SPRY4: variants seen among roughly 807,000 people sequenced by gnomAD.
SPRY4 encodes the protein protein sprouty homolog 4.
A neutral mutation model predicts 17.0 loss-of-function variants in SPRY4; 7 were observed. That is an observed-to-expected ratio of 0.41 (90% CI 0.23 to 0.77). The LOEUF (loss-of-function observed/expected upper bound fraction) is 0.77, where lower values mean the gene tolerates loss of function less well. Ranked by LOEUF, SPRY4 falls within the 30% of genes least tolerant of loss-of-function variation. SPRY4 has a pLI of 0.32. For missense variants in SPRY4, 435 were observed against 419.9 expected, an observed-to-expected ratio of 1.04 and a Z score of -0.31; for synonymous variants, 183 against 174.1, an observed-to-expected ratio of 1.05 and a Z score of -0.40.
rs560148371 is a variant in SPRY4 at position 142,322,472 on chromosome 5, GA to G, written c.-48+2371del. Among the ~76,000 whole-genome samples, 1,220 of 135,306 alleles carry G rather than the reference GA, an allele frequency of 9.0e-3. 10 individuals are homozygous for G. Among genetic ancestry groups the G allele is most frequent in the Middle Eastern group, 0.027 (7 of 262 alleles). 88.8% of individuals were successfully genotyped at this position (135,306 alleles called of 152,430 possible). A position where few individuals can be genotyped will look rare whatever the true frequency, so the allele number is the denominator to read the frequency against. On this transcript the variant is annotated intron_variant, in intron 1 of 1. Coordinates refer to ENST00000434127, the MANE Select transcript of SPRY4 (RefSeq NM_001127496.3). ...GGTCACAGAGCAAGACTCGTCTCAAGAAAAAAAAAAAATATATATATATATA... is the reference window on the plus strand; with the variant it reads ...GGTCACAGAGCAAGACTCGTCTCAAGAAAAAAAAAAATATATATATATATA...
At chr5:142,324,512 G>A (rs1005423185) in intron 1 of SPRY4, 10 of 152,354 alleles carry the variant, frequency 6.6e-5, no homozygotes, top group African/African-American at 2.4e-4. Flanking sequence ...GGCGGATGGT[G>A]GCAGGAGAAG....
rs1759482759 is a variant in SPRY4 at position 142,324,959 on chromosome 5, C to T, written c.-163G>A. On this transcript the variant is annotated 5_prime_UTR_variant, in exon 1 of 2. Transcript: ENST00000434127. ...CGGTCGGAGGAACCGGCAAGGCTCC[C>T]TGCGCTCCACAGCGCCAGCTCCGCG... The T allele has an allele frequency of 6.5e-6, 1 of 152,728 alleles. No individual in the cohort carries two copies. The highest frequency in any genetic ancestry group is 2.1e-4 in the South Asian group (1 of 4,838). The allele number at this position is 152,728 out of a possible 1,614,324, so 9.5% of individuals were successfully genotyped here. A position where few individuals can be genotyped will look rare whatever the true frequency, so the allele number is the denominator to read the frequency against.
intron 1 of SPRY4, among the ~76,000 whole-genome samples, chr5:142,321,628 G>A (rs1323041226): frequency 6.6e-6 from 1 of 152,170 alleles, no homozygotes; most frequent in African/African-American, 2.4e-5. Context: ...AGAGGCCTGG[G>A]CGAGAATCCT....
At chr5:142,318,808 C>A (rs531574782) in intron 1 of SPRY4, among the ~76,000 whole-genome samples, 31 of 151,928 alleles carry the variant, frequency 2.0e-4, no homozygotes, top group African/African-American at 7.0e-4. Flanking sequence ...CTCTTACGAA[C>A]TGGCAAGAGG....
In SPRY4 at chr5:142,314,995, TAG is replaced by T; in HGVS notation, c.112_113del (p.Leu38ThrfsTer3). ...GGCTGGTCTTCACCTGGTCAATGGG[TAG>T]GATGGTGAGTGGGTGCTGGAGCCGG... ...HSRLQHPLTI[L>X]PIDQVKTSHV... On this transcript the variant is annotated frameshift_variant, in exon 2 of 2. Transcript: ENST00000434127. LOFTEE classifies it high-confidence loss of function. The surrounding 1 kb of genome is among the most constrained non-coding windows in gnomAD (Gnocchi z 4.8). 6.2e-7 allele frequency: 1 copy of T among 1,613,672 alleles called. No individual in the cohort carries two copies. Among genetic ancestry groups the T allele is most frequent in the Non-Finnish European group, 8.5e-7 (1 of 1,179,938 alleles).
At position 142,312,583 on chromosome 5, in the gene SPRY4, G is replaced by A. The variant is rs11551499; in HGVS notation, c.*1626C>T. On this transcript the variant is annotated 3_prime_UTR_variant, in exon 2 of 2. Coordinates refer to ENST00000434127, the MANE Select transcript of SPRY4 (RefSeq NM_001127496.3). Reference sequence around the variant, plus strand: ...ATACAGAACAAACTGGAAATGCTACGGACGCTCTGCCTCATGCACTTCCAG... The same window carrying A: ...ATACAGAACAAACTGGAAATGCTACAGACGCTCTGCCTCATGCACTTCCAG... The A allele has an allele frequency of 0.021, 3,186 of 152,178 alleles. 111 individuals carry two copies. Among genetic ancestry groups the A allele is most frequent in the African/African-American group, 0.07 (2,907 of 41,514 alleles). 9.4% of individuals were successfully genotyped at this position (152,178 alleles called of 1,614,324 possible). A position where few individuals can be genotyped will look rare whatever the true frequency, so the allele number is the denominator to read the frequency against.
At chr5:142,320,519 A>AAT (rs1373005507) in intron 1 of SPRY4, among the ~76,000 whole-genome samples, 1 of 152,056 alleles carries the variant, frequency 6.6e-6, no homozygotes, top group African/African-American at 2.4e-5. Flanking sequence ...GAAGGGTGGG[A>AAT]ATCTTGCTGG....
chr5:142,313,966 A>C lies in SPRY4; in HGVS notation c.*243T>G. ...CCCCCAAACCACACCCTGCCCCTGC[A>C]TTGTCTGTTTGACACAAAGTTTCAG... is the stretch of plus-strand genomic sequence containing the variant. On this transcript the variant is annotated 3_prime_UTR_variant, in exon 2 of 2. Coordinates refer to ENST00000434127, the MANE Select transcript of SPRY4 (RefSeq NM_001127496.3). The C allele has an allele frequency of 1.8e-6, 1 of 542,112 alleles. No homozygotes were observed. Among genetic ancestry groups the C allele is most frequent in the South Asian group, 2.8e-5 (1 of 35,790 alleles). 33.6% of individuals were successfully genotyped at this position (542,112 alleles called of 1,614,324 possible). A position where few individuals can be genotyped will look rare whatever the true frequency, so the allele number is the denominator to read the frequency against.
At chr5:142,318,171 AAAAAAAAGAAAG>A (rs1759223154) in intron 1 of SPRY4, 2 of 985,226 alleles carry the variant, frequency 2.0e-6, no homozygotes, top group South Asian at 4.7e-5. Context: ...ATGTCTCAAA[AAAAAAAAGAAAG>A]AAAAAAAGAA....
Position 142,314,480 on chromosome 5 carries a change from C to A in SPRY4, c.629G>T (p.Cys210Phe), listed in dbSNP as rs778859460. ...GGAGCCCTCATCGTCCTCATTCGTG[C>A]AGTGGTAGAAGATGCCCTGCACCAA... ...MCLVQGIFYH[C>F]TNEDDEGSCA... The change falls in exon 2 of 2, where the codon TGC becomes TTC. Residue 210 changes from cysteine to phenylalanine, a missense_variant. Transcript: ENST00000434127. The surrounding 1 kb of genome is among the most constrained non-coding windows in gnomAD (Gnocchi z 4.8). 2 of 1,614,196 alleles carry A rather than the reference C, an allele frequency of 1.2e-6. No individual in the cohort carries two copies. Among genetic ancestry groups the A allele is most frequent in the Admixed American group, 3.3e-5 (2 of 60,022 alleles).
chr5:142,317,584 GA>G (rs1759198358), intron 1 of SPRY4: 4 of 984,342 alleles, frequency 4.1e-6, no homozygotes, highest in Non-Finnish European at 3.6e-6. Flanking sequence ...TGCTGTGGAA[GA>G]AAGTAAAAGA....
At position 142,314,650 on chromosome 5, in the gene SPRY4, G is replaced by A. The variant is rs137880229; in HGVS notation, c.459C>T (p.Asp153=). 35 of 1,614,222 alleles carry A rather than the reference G, an allele frequency of 2.2e-5. No homozygotes were observed. The African/African-American group carries it at 3.9e-4, about 18-fold the overall frequency. The part of the protein sequence containing the change: ...LKGPAVPPEL[D]KHFLLCEACG... ...AGGCCTCGCACAGCAAGAAGTGCTT[G>A]TCCAGCTCGGGTGGGACCGCCGGGC... Residue 153 remains aspartate (D), a synonymous_variant, in exon 2 of 2, where the codon GAC becomes GAT. Transcript: ENST00000434127. The surrounding 1 kb of genome is among the most constrained non-coding windows in gnomAD (Gnocchi z 4.8).
chr5:142,322,402 C>T (rs564558688), intron 1 of SPRY4, among the ~76,000 whole-genome samples: 5 of 150,020 alleles, frequency 3.3e-5, no homozygotes, highest in Middle Eastern at 3.4e-3. Flanking sequence ...ACCTGGGAGG[C>T]GGAGGTTGCA....
intron 1 of SPRY4, among the ~76,000 whole-genome samples, chr5:142,321,165 G>C (rs990212763): frequency 6.6e-6 from 1 of 152,054 alleles, no homozygotes; most frequent in Non-Finnish European, 1.5e-5. Flanking sequence ...CTTACATCAC[G>C]CAACACCCCA....
At chr5:142,320,649 G>T (rs1413839274) in intron 1 of SPRY4, among the ~76,000 whole-genome samples, 3 of 152,144 alleles carry the variant, frequency 2.0e-5, no homozygotes, top group South Asian at 2.1e-4. Context: ...TAAAGAAGGA[G>T]TCAGAAGGAG....
chr5:142,311,531 G>A lies in SPRY4; in HGVS notation c.*2678C>T, dbSNP rs1758909746. 6.6e-6 allele frequency: 1 copy of A among 152,106 alleles called. No individual in the cohort carries two copies. The highest frequency in any genetic ancestry group is 6.6e-5 in the Admixed American group (1 of 15,246). 9.4% of individuals were successfully genotyped at this position (152,106 alleles called of 1,614,324 possible). A position where few individuals can be genotyped will look rare whatever the true frequency, so the allele number is the denominator to read the frequency against. ...GCTCTCGACTGGCCCCAGAGCCGGG[G>A]AGGGTCCACAGGCAAGCCAGTTTAT... is the stretch of plus-strand genomic sequence containing the variant. On this transcript the variant is annotated 3_prime_UTR_variant, in exon 2 of 2. Transcript: ENST00000434127.
intron 1 of SPRY4, among the ~76,000 whole-genome samples, chr5:142,316,874 G>A (rs192569623): frequency 2.0e-5 from 3 of 152,344 alleles, no homozygotes; most frequent in Admixed American, 1.3e-4. Flanking sequence ...CATTCACGCA[G>A]GGCATCAACT....
In SPRY4 at chr5:142,322,472, G is replaced by GAAAAAAAAA. The variant is rs560148371; in HGVS notation, c.-48+2363_-48+2371dup. 1.6e-3 allele frequency among the ~76,000 whole-genome samples: 210 copies of GAAAAAAAAA among 135,282 alleles called. 1 individual carries two copies. Among genetic ancestry groups the GAAAAAAAAA allele is most frequent in the African/African-American group, 5.5e-3 (201 of 36,614 alleles). The allele number at this position is 135,282 out of a possible 152,430, so 88.8% of individuals were successfully genotyped here. A position where few individuals can be genotyped will look rare whatever the true frequency, so the allele number is the denominator to read the frequency against. On this transcript the variant is annotated intron_variant, in intron 1 of 1. Transcript: ENST00000434127. ...GGTCACAGAGCAAGACTCGTCTCAAGAAAAAAAAAAAATATATATATATAT... is the reference window on the plus strand; with the variant it reads ...GGTCACAGAGCAAGACTCGTCTCAAGAAAAAAAAAAAAAAAAAAAAATATATATATATAT...
chr5:142,319,624 G>A (rs1759276032), intron 1 of SPRY4: 2 of 1,374,030 alleles, frequency 1.5e-6, no homozygotes, highest in East Asian at 2.4e-5. Context: ...GGCACAGAGA[G>A]TCCTAGAATA....
Sources: allele counts gnomAD v4.1 joint callset (sites outside exome capture counted in the v4.1 genomes callset), GRCh38; gene constraint gnomAD v4.1.1; non-coding constraint Gnocchi (gnomAD v3.1); transcripts MANE v1.5; gene names NCBI Gene and HGNC (gene_info 2026-07-23, HGNC 2026-07-21).